Variants in GABRB1 observed in about 807,000 individuals in gnomAD.
The protein encoded by GABRB1 is gamma-aminobutyric acid type A receptor subunit beta1.
Under a neutral mutation model 51.6 loss-of-function variants are expected in GABRB1, and 17 were observed. The observed-to-expected ratio is 0.33, with a 90% CI of 0.23 to 0.49. The LOEUF is 0.49. GABRB1 is among the 20% of genes least tolerant of loss of function. GABRB1 has a pLI of 0.99. For missense variants in GABRB1, 410 were observed against 600.6 expected (o/e 0.68, Z 3.32); for synonymous variants, 247 against 218.9 (o/e 1.13, Z -1.14).
intron 3 of GABRB1, among the ~76,000 whole-genome samples, chr4:47,092,778 A>AT (rs907374791): frequency 3.3e-5 from 5 of 151,616 alleles, no homozygotes; most frequent in Non-Finnish European, 7.4e-5. Flanking sequence ...CACCTGGCTA[A>AT]TTTTTTTGTG....
chr4:47,082,231 T>G (rs538473786), intron 3 of GABRB1, among the ~76,000 whole-genome samples: 1 of 151,936 alleles, frequency 6.6e-6, no homozygotes, highest in Admixed American at 6.6e-5. Context: ...TAACTTATTT[T>G]TAAAAGAAAC....
At chr4:47,058,977 A>G (rs1391650683) in intron 3 of GABRB1, among the ~76,000 whole-genome samples, 3 of 152,256 alleles carry the variant, frequency 2.0e-5, no homozygotes, top group Non-Finnish European at 4.4e-5. Flanking sequence ...GCTGAAGTCC[A>G]TCTTATTAGT....
chr4:47,106,254 C>T (rs1239110203), intron 3 of GABRB1, among the ~76,000 whole-genome samples: 2 of 151,958 alleles, frequency 1.3e-5, no homozygotes, highest in Non-Finnish European at 2.9e-5. Context: ...AATTAATTTC[C>T]TCAATATTTT....
chr4:47,269,625 A>G (rs1722775550), intron 4 of GABRB1, among the ~76,000 whole-genome samples: 1 of 151,844 alleles, frequency 6.6e-6, no homozygotes, highest in Non-Finnish European at 1.5e-5. Context: ...TTTCTCTTAT[A>G]TTCTTTTTCT....
At chr4:47,045,870 A>G (rs957900431) in intron 3 of GABRB1, among the ~76,000 whole-genome samples, 11 of 151,952 alleles carry the variant, frequency 7.2e-5, no homozygotes, top group Non-Finnish European at 1.3e-4. Context: ...TTTATTCAAC[A>G]TTTACACTGT....
chr4:47,127,324 G>A (rs1214333517), intron 3 of GABRB1, among the ~76,000 whole-genome samples: 3 of 151,700 alleles, frequency 2.0e-5, no homozygotes. Context: ...ATATATGTGT[G>A]TGTAGATACA....
chr4:47,094,161 G>A (rs1714275054), intron 3 of GABRB1, among the ~76,000 whole-genome samples: 1 of 149,914 alleles, frequency 6.7e-6, no homozygotes, highest in Non-Finnish European at 1.5e-5. Flanking sequence ...GGGAACAAAA[G>A]TTTTTAAACT....
At chr4:47,239,175 T>C (rs558424787) in intron 4 of GABRB1, among the ~76,000 whole-genome samples, 5 of 152,362 alleles carry the variant, frequency 3.3e-5, no homozygotes, top group African/African-American at 4.8e-5. Context: ...CCCATGTAAC[T>C]ATCTCAATCA....
At chr4:47,255,551 GGAGTCTTTGATGCCTGAAAT>G (rs1449932817) in intron 4 of GABRB1, among the ~76,000 whole-genome samples, 1 of 152,164 alleles carries the variant, frequency 6.6e-6, no homozygotes, top group African/African-American at 2.4e-5. Flanking sequence ...AGTCAATACT[GGAGTCTTTGATGCCTGAAAT>G]GAGTCTTGAA....
intron 4 of GABRB1, among the ~76,000 whole-genome samples, chr4:47,172,763 T>C (rs1266631193): frequency 7.1e-6 from 1 of 140,122 alleles, no homozygotes; most frequent in Non-Finnish European, 1.5e-5. Context: ...TACCTCAGCC[T>C]CCCATGTAGC....
intron 4 of GABRB1, among the ~76,000 whole-genome samples, chr4:47,257,119 G>A (rs531747950): frequency 2.6e-3 from 395 of 152,246 alleles, no homozygotes; most frequent in Middle Eastern, 0.024. Flanking sequence ...ATCAGACATA[G>A]GAAAGAGAGT....
At chr4:47,413,058 C>T (rs559359982) in intron 8 of GABRB1, among the ~76,000 whole-genome samples, 137 of 152,296 alleles carry the variant, frequency 9.0e-4, no homozygotes, top group African/African-American at 3.1e-3. Flanking sequence ...TTCCAGGTAG[C>T]CCTTTTCTAC....
intron 3 of GABRB1, among the ~76,000 whole-genome samples, chr4:47,146,215 A>T (rs1717164365): frequency 6.6e-6 from 1 of 152,046 alleles, no homozygotes; most frequent in African/African-American, 2.4e-5. Flanking sequence ...GCTGAGCCAG[A>T]AGTAAGCAAG....
At chr4:47,230,359 C>T (rs999734094) in intron 4 of GABRB1, among the ~76,000 whole-genome samples, 2 of 151,992 alleles carry the variant, frequency 1.3e-5, no homozygotes, top group African/African-American at 4.8e-5. Flanking sequence ...CAAGGTCCCA[C>T]GTATTTCTGG....
At chr4:47,180,000 G>C (rs1332619256) in intron 4 of GABRB1, among the ~76,000 whole-genome samples, 1 of 152,052 alleles carries the variant, frequency 6.6e-6, no homozygotes, top group African/African-American at 2.4e-5. Flanking sequence ...GAGCACATGA[G>C]TTCCAGACTA....
At chr4:47,023,924 T>C (rs1017458784) in intron 1 of GABRB1, among the ~76,000 whole-genome samples, 1 of 152,022 alleles carries the variant, frequency 6.6e-6, no homozygotes. Context: ...TCTGTTCTTT[T>C]CTTATGTAAC....
intron 4 of GABRB1, among the ~76,000 whole-genome samples, chr4:47,221,943 A>G (rs1243947531): frequency 6.6e-6 from 1 of 152,092 alleles, no homozygotes; most frequent in East Asian, 1.9e-4. Context: ...TATTTTCTCC[A>G]TGAGGCACAC....
chr4:47,092,552 A>C (rs1728368547), intron 3 of GABRB1, among the ~76,000 whole-genome samples: 1 of 151,900 alleles, frequency 6.6e-6, no homozygotes, highest in South Asian at 2.1e-4. Flanking sequence ...AAAGGAAAGA[A>C]GGAATTTGTG....
At chr4:47,407,910 G>A (rs535227678) in intron 8 of GABRB1, among the ~76,000 whole-genome samples, 169 of 152,250 alleles carry the variant, frequency 1.1e-3, no homozygotes, top group Non-Finnish European at 2.1e-3. Flanking sequence ...TGGGCAACAT[G>A]GCAAAACCTC....
Sources: gnomAD v4.1 joint callset for allele counts (sites outside exome capture counted in the v4.1 genomes callset) on GRCh38, gnomAD v4.1.1 for gene constraint, MANE v1.5 for transcripts, NCBI Gene and HGNC (gene_info 2026-07-23, HGNC 2026-07-21) for gene names.